ATP8A2: variants seen among roughly 807,000 people sequenced by gnomAD.
ATP8A2 encodes the protein phospholipid-transporting ATPase IB.
Under a neutral mutation model 165.6 loss-of-function variants are expected in ATP8A2, and 100 were observed. The observed-to-expected ratio is 0.60, with a 90% CI of 0.51 to 0.71. The LOEUF is 0.71. Among genes scored for constraint, ATP8A2 ranks in the 30% least tolerant of loss-of-function variants. The pLI is 0.00. For synonymous variants in ATP8A2, 543 were observed against 548.8 expected, an observed-to-expected ratio of 0.99 and a Z score of 0.15; for missense variants, 1,227 against 1,479.5, an observed-to-expected ratio of 0.83 and a Z score of 2.80.
At chr13:25,655,967 G>A (rs112218968) in intron 24 of ATP8A2, among the ~76,000 whole-genome samples, 2,233 of 152,250 alleles carry the variant, frequency 0.015, 48 homozygotes, top group African/African-American at 0.049. Flanking sequence ...AAACAAGCTC[G>A]TCTTTCCAAA....
chr13:25,468,093 C>T (rs1429307303), intron 1 of ATP8A2, among the ~76,000 whole-genome samples: 2 of 152,086 alleles, frequency 1.3e-5, no homozygotes, highest in African/African-American at 4.8e-5. Context: ...GATCTACGTG[C>T]GGGTACCAGT....
In ATP8A2 at chr13:26,012,581, C is replaced by G. The variant is rs1956872282; in HGVS notation, c.3428C>G (p.Pro1143Arg). ...LIKRLGRKTP[P>R]TLFRGSSLQQ... Reference sequence around the variant, plus strand: ...AAGAGGCTGGGCCGGAAGACGCCCCCGACGCTGTTCCGGGGCAGCTCCCTG... The same window carrying G: ...AAGAGGCTGGGCCGGAAGACGCCCCGGACGCTGTTCCGGGGCAGCTCCCTG... Residue 1143 changes from proline to arginine, a missense_variant, in exon 36 of 37, where the codon CCG becomes CGG. Transcript: ENST00000381655. The G allele has an allele frequency of 1.3e-6, 2 of 1,527,736 alleles. No homozygotes were observed. The highest frequency in any genetic ancestry group is 1.4e-5 in the African/African-American group (1 of 71,088). 94.6% of individuals were successfully genotyped at this position (1,527,736 alleles called of 1,614,324 possible).
intron 25 of ATP8A2, among the ~76,000 whole-genome samples, chr13:25,766,946 G>A (rs1219149482): frequency 6.6e-6 from 1 of 152,164 alleles, no homozygotes; most frequent in African/African-American, 2.4e-5. Flanking sequence ...GAGGTGGCTG[G>A]TTCTCATTTT....
chr13:25,891,813 A>T (rs1348893249), intron 33 of ATP8A2, among the ~76,000 whole-genome samples: 3 of 152,176 alleles, frequency 2.0e-5, no homozygotes, highest in Non-Finnish European at 4.4e-5. Flanking sequence ...AAGGACAAAA[A>T]GCAGGCCAAA....
intron 33 of ATP8A2, among the ~76,000 whole-genome samples, chr13:25,941,036 TG>T (rs1435698479): frequency 5.3e-5 from 8 of 152,296 alleles, no homozygotes; most frequent in African/African-American, 1.9e-4. Context: ...GATCCATCTT[TG>T]TGGAGCACTC....
intron 33 of ATP8A2, among the ~76,000 whole-genome samples, chr13:25,934,470 T>A (rs1468539104): frequency 1.3e-5 from 2 of 152,214 alleles, no homozygotes; most frequent in African/African-American, 4.8e-5. Flanking sequence ...TTGATTCCAA[T>A]GGTGGCTTTT....
Position 25,814,764 on chromosome 13 carries a change from C to T in ATP8A2, c.2680-13354C>T, listed in dbSNP as rs139432954. On this transcript the variant is annotated intron_variant, in intron 27 of 36. Coordinates refer to ENST00000381655, the MANE Select transcript of ATP8A2 (RefSeq NM_016529.6). ...GATGCAGTGGCTCACACCTGTAATT[C>T]CAGCACTTTGGGAGGCCAGGGCAGG... Among the ~76,000 whole-genome samples the T allele has an allele frequency of 3.0e-4, 46 of 152,272 alleles. 1 individual carries two copies. The East Asian group carries it at 8.5e-3, about 28-fold the overall frequency.
chr13:26,012,486 G>C, intron 35 of ATP8A2, 45 bp from the exon 36 acceptor site: 1 of 1,463,850 alleles, frequency 6.8e-7, no homozygotes, highest in Non-Finnish European at 9.3e-7. Flanking sequence ...TGTGCAACCC[G>C]AGTGTTCAGG....
In ATP8A2 at chr13:25,750,690, G is replaced by A. The variant is rs1443079899; in HGVS notation, c.2385-18356G>A. On this transcript the variant is annotated intron_variant, in intron 25 of 36. Transcript: ENST00000381655. This position sits in a 1 kb window ranked among gnomAD's most constrained non-coding sequence, Gnocchi z 4.3. ...CCCTGTCGGCAGGTACCTCATATGT[G>A]TAGTTTTGGCATCGAGTTTATACGA... 6.6e-6 allele frequency among the ~76,000 whole-genome samples: 1 copy of A among 152,132 alleles called. No homozygotes were observed. Among genetic ancestry groups the A allele is most frequent in the Non-Finnish European group, 1.5e-5 (1 of 68,032 alleles).
At chr13:25,814,638 A>AG (rs1950962208) in intron 27 of ATP8A2, among the ~76,000 whole-genome samples, 1 of 151,078 alleles carries the variant, frequency 6.6e-6, no homozygotes, top group Non-Finnish European at 1.5e-5. Flanking sequence ...AAAAAAAAAA[A>AG]GTCCTTTCAA....
chr13:25,384,045 C>T (rs760917179), intron 1 of ATP8A2, among the ~76,000 whole-genome samples: 6 of 152,020 alleles, frequency 3.9e-5, no homozygotes, highest in Non-Finnish European at 7.4e-5. Flanking sequence ...TTTTTCATGT[C>T]CCTAAAAACG....
chr13:25,633,458 T>G (rs1187729502), intron 24 of ATP8A2, among the ~76,000 whole-genome samples: 1 of 152,170 alleles, frequency 6.6e-6, no homozygotes, highest in African/African-American at 2.4e-5. Flanking sequence ...AGAGAGTGCA[T>G]GGGAATACGA....
chr13:26,001,960 C>T (rs1260482148), intron 35 of ATP8A2, among the ~76,000 whole-genome samples: 1 of 152,132 alleles, frequency 6.6e-6, no homozygotes, highest in African/African-American at 2.4e-5. Flanking sequence ...CCTGTATTTT[C>T]CTCTAAGATT....
chr13:25,979,698 C>T lies in ATP8A2; in HGVS notation c.3377+11019C>T, dbSNP rs930779265. On this transcript the variant is annotated intron_variant, in intron 35 of 36. Coordinates refer to ENST00000381655, the MANE Select transcript of ATP8A2 (RefSeq NM_016529.6). ...ACGGAGGAAGTGCCAGGCCAGACTCCGGCCTAGAATGAGAGAGGGAATTCC... is the reference window on the plus strand; with the variant it reads ...ACGGAGGAAGTGCCAGGCCAGACTCTGGCCTAGAATGAGAGAGGGAATTCC... Among the ~76,000 whole-genome samples, 9 of 152,098 alleles carry T rather than the reference C, an allele frequency of 5.9e-5. No individual in the cohort carries two copies. In the South Asian group the frequency reaches 6.2e-4, roughly 11 times the overall value.
chr13:25,849,028 C>T (rs893556480), intron 30 of ATP8A2, among the ~76,000 whole-genome samples: 1 of 152,020 alleles, frequency 6.6e-6, no homozygotes, highest in African/African-American at 2.4e-5. Context: ...CGGGGGCTGG[C>T]TCAGTTAATG....
chr13:25,454,793 A>AT (rs1175042597), intron 1 of ATP8A2, among the ~76,000 whole-genome samples: 1 of 152,206 alleles, frequency 6.6e-6, no homozygotes, highest in Non-Finnish European at 1.5e-5. Flanking sequence ...GTGATGGCAC[A>AT]CACCTGTAAT....
At chr13:25,487,734 A>G (rs1422758593) in intron 2 of ATP8A2, among the ~76,000 whole-genome samples, 1 of 152,204 alleles carries the variant, frequency 6.6e-6, no homozygotes, top group Non-Finnish European at 1.5e-5. Context: ...TTCTTTTTGC[A>G]CTAACCTGAT....
Position 25,530,635 on chromosome 13 carries a change from G to A in ATP8A2, c.395G>A (p.Gly132Asp). 1 of 1,589,236 alleles carries A rather than the reference G, an allele frequency of 6.3e-7. No individual in the cohort carries two copies. ...VPLIIILTIA[G>D]IKEIVEDFKR... ...TTGATCATTATTTTAACAATTGCAG[G>A]CATCAAAGAGATTGTAGAAGATTTT... The change falls in exon 4 of 37, where the codon GGC (glycine) becomes GAC (aspartate). Residue 132 changes from glycine (G) to aspartate (D), a missense_variant. By Grantham distance (94) the Gly-to-Asp change is moderately conservative. This residue lies in a region of ATP8A2 where 356 missense variants were observed against 394.9 expected (regional missense o/e 0.90). Coordinates refer to ENST00000381655, the MANE Select transcript of ATP8A2 (RefSeq NM_016529.6).
At chr13:25,839,254 G>A (rs1187337653) in intron 29 of ATP8A2, among the ~76,000 whole-genome samples, 3 of 152,158 alleles carry the variant, frequency 2.0e-5, no homozygotes, top group Non-Finnish European at 4.4e-5. Flanking sequence ...AAACTGATCA[G>A]AGTGAATTTT....
Sources: gnomAD v4.1 joint callset for allele counts (sites outside exome capture counted in the v4.1 genomes callset) on GRCh38, gnomAD v4.1.1 for gene constraint, gnomAD v4.1.1 regional missense constraint, Gnocchi (gnomAD v3.1) non-coding constraint, MANE v1.5 for transcripts, NCBI Gene and HGNC (gene_info 2026-07-23, HGNC 2026-07-21) for gene names.